The following PIK3C2G variants were observed in gnomAD, a reference collection of about 807,000 sequenced individuals.
The protein encoded by PIK3C2G is phosphatidylinositol-4-phosphate 3-kinase catalytic subunit type 2 gamma.
PIK3C2G carries 168 observed loss-of-function variants against 181.1 expected under a neutral mutation model. The observed-to-expected ratio is 0.93, with a 90% CI of 0.82 to 1.05. The LOEUF is 1.05. PIK3C2G is among the 50% of genes least tolerant of loss of function. The pLI is 0.00. For synonymous variants in PIK3C2G, 573 were observed against 592.2 expected (o/e 0.97, Z 0.47); for missense variants, 1,869 against 1,732.8 (o/e 1.08, Z -1.40).
chr12:18,462,174 T>C (rs1947954864), intron 18 of PIK3C2G, among the ~76,000 whole-genome samples: 1 of 152,194 alleles, frequency 6.6e-6, no homozygotes, highest in Non-Finnish European at 1.5e-5. Context: ...GGGCGCATTA[T>C]TCAGTTTACC....
At chr12:18,632,676 G>T (rs895694663) in intron 31 of PIK3C2G, among the ~76,000 whole-genome samples, 53 of 151,926 alleles carry the variant, frequency 3.5e-4, no homozygotes, top group African/African-American at 1.2e-3. Flanking sequence ...TAAGAACCAG[G>T]AGTACAAATG....
chr12:18,682,396 G>C, the PIK3C2G span, among the ~76,000 whole-genome samples: 3 of 151,766 alleles, frequency 2.0e-5, no homozygotes, highest in Non-Finnish European at 4.4e-5. Context: ...CTTTGTGCTG[G>C]GTGCTTTCAC....
the PIK3C2G span, among the ~76,000 whole-genome samples, chr12:18,676,182 C>G: frequency 6.6e-6 from 1 of 152,024 alleles, no homozygotes; most frequent in East Asian, 1.9e-4. Flanking sequence ...ATACATGGAA[C>G]TGAAAAAACA....
intron 24 of PIK3C2G, among the ~76,000 whole-genome samples, chr12:18,520,294 T>C (rs1483060854): frequency 6.6e-6 from 1 of 152,166 alleles, no homozygotes; most frequent in Non-Finnish European, 1.5e-5. Context: ...TTCTTCAGGA[T>C]AATATCCTGA....
chr12:18,701,508 T>C, the PIK3C2G span: 2 of 1,613,986 alleles, frequency 1.2e-6, no homozygotes, highest in Admixed American at 1.7e-5. Context: ...CACCTTCTTT[T>C]TCTTGAAAAG....
downstream of PIK3C2G, among the ~76,000 whole-genome samples, chr12:18,649,314 T>C (rs625257): frequency 0.17 from 25,583 of 152,028 alleles, 2,695 homozygotes; most frequent in African/African-American, 0.29. Flanking sequence ...CTCTGCTTAT[T>C]ACCAGAGAAG....
rs1179232401 is a variant in PIK3C2G at position 18,640,343 on chromosome 12, G to A, written c.4183-86G>A. On this transcript the variant is annotated intron_variant, in intron 31 of 32. Transcript: ENST00000538779. ...AGTGACTGTAATAAATCCTGATCCT[G>A]CCTTTGGTCTGGATATTTAGTAGCT... is the stretch of plus-strand genomic sequence containing the variant. The A allele has an allele frequency of 3.6e-6, 4 of 1,123,768 alleles. No homozygotes were observed. In the African/African-American group the frequency reaches 6.3e-5, roughly 18 times the overall value. The allele number at this position is 1,123,768 out of a possible 1,614,324, so 69.6% of individuals were successfully genotyped here. A position where few individuals can be genotyped will look rare whatever the true frequency, so the allele number is the denominator to read the frequency against.
intron 29 of PIK3C2G, among the ~76,000 whole-genome samples, chr12:18,576,111 C>T (rs1441316194): frequency 1.3e-5 from 2 of 152,278 alleles, no homozygotes; most frequent in East Asian, 1.9e-4. Flanking sequence ...TAGTGACACA[C>T]ATTTTAAAAC....
At chr12:18,302,928 G>A (rs1419359359) in intron 5 of PIK3C2G, among the ~76,000 whole-genome samples, 2 of 151,976 alleles carry the variant, frequency 1.3e-5, no homozygotes, top group African/African-American at 4.8e-5. Flanking sequence ...GGTGGCAGAC[G>A]AGGCAGGGTG....
At chr12:18,289,693 G>A (rs973975307) in intron 3 of PIK3C2G, among the ~76,000 whole-genome samples, 1 of 152,146 alleles carries the variant, frequency 6.6e-6, no homozygotes, top group Non-Finnish European at 1.5e-5. Context: ...AACACGAGTG[G>A]ATACAGATGC....
At chr12:18,436,379 T>C (rs1043595859) in intron 18 of PIK3C2G, among the ~76,000 whole-genome samples, 1 of 152,104 alleles carries the variant, frequency 6.6e-6, no homozygotes, top group Admixed American at 6.6e-5. Flanking sequence ...TCAGCTTACA[T>C]GATTGGTTTA....
chr12:18,362,794 T>C lies in PIK3C2G; in HGVS notation c.1656T>C (p.Leu552=), dbSNP rs1028707209. 6.6e-7 allele frequency: 1 copy of C among 1,524,422 alleles called. No individual in the cohort carries two copies. Among genetic ancestry groups the C allele is most frequent in the Admixed American group, 2.1e-5 (1 of 48,656 alleles). The allele number at this position is 1,524,422 out of a possible 1,614,324, so 94.4% of individuals were successfully genotyped here. Residue 552 remains leucine (L), a synonymous_variant, in exon 12 of 33, where the codon CTT becomes CTC. Transcript: ENST00000538779. ...SYKAFSFTCW[L]TYAGKKLCQV... ...AAGCGTTTTCTTTTACCTGTTGGCTTACATATGCTGGAAAGAAGCTGTGCC... is the reference window on the plus strand; with the variant it reads ...AAGCGTTTTCTTTTACCTGTTGGCTCACATATGCTGGAAAGAAGCTGTGCC...
At chr12:18,640,105 T>C (rs1010601024) in intron 31 of PIK3C2G, among the ~76,000 whole-genome samples, 1 of 151,928 alleles carries the variant, frequency 6.6e-6, no homozygotes, top group Non-Finnish European at 1.5e-5. Flanking sequence ...TGCTTGTGGC[T>C]AATATTTATC....
the PIK3C2G span, among the ~76,000 whole-genome samples, chr12:18,677,874 A>G: frequency 4.5e-4 from 69 of 152,140 alleles, no homozygotes; most frequent in African/African-American, 1.5e-3. Context: ...TTGTCATAAA[A>G]CACCTGATAT....
intron 30 of PIK3C2G, among the ~76,000 whole-genome samples, chr12:18,601,537 C>T (rs11834292): frequency 0.23 from 34,914 of 151,868 alleles, 3,962 homozygotes; most frequent in Non-Finnish European, 0.24. Flanking sequence ...ATAGGTGGAA[C>T]AAGATCTAGG....
At chr12:18,578,155 C>T (rs367874222) in intron 29 of PIK3C2G, among the ~76,000 whole-genome samples, 7 of 152,242 alleles carry the variant, frequency 4.6e-5, no homozygotes, top group South Asian at 2.1e-4. Context: ...TTCAGATGCA[C>T]GACCAGGTCT....
intron 6 of PIK3C2G, among the ~76,000 whole-genome samples, chr12:18,316,349 A>T (rs984507359): frequency 1.3e-5 from 2 of 152,208 alleles, no homozygotes; most frequent in African/African-American, 4.8e-5. Context: ...AGATAATCAT[A>T]TTGCTGTCAT....
At chr12:18,504,218 C>A (rs1019552548) in intron 23 of PIK3C2G, among the ~76,000 whole-genome samples, 2 of 152,164 alleles carry the variant, frequency 1.3e-5, no homozygotes, top group African/African-American at 2.4e-5. Flanking sequence ...CCCCAGAGTT[C>A]ATCTATTCCA....
At chr12:18,623,355 G>T (rs1033364732) in intron 31 of PIK3C2G, among the ~76,000 whole-genome samples, 3 of 151,686 alleles carry the variant, frequency 2.0e-5, no homozygotes, top group Non-Finnish European at 4.4e-5. Context: ...GACTGTACAT[G>T]TGGGGGTTCT....
Sources: allele counts gnomAD v4.1 joint callset (sites outside exome capture counted in the v4.1 genomes callset), GRCh38; gene constraint gnomAD v4.1.1; transcripts MANE v1.5; gene names NCBI Gene and HGNC (gene_info 2026-07-23, HGNC 2026-07-21).